The following EVA1C variants were observed in gnomAD, a reference collection of about 807,000 sequenced individuals.
EVA1C encodes eva-1 homolog C, also known as protein eva-1 homolog C.
In EVA1C, 25 loss-of-function variants were observed where a neutral mutation model predicts 45.4. The observed-to-expected ratio is 0.55, with a 90% CI of 0.40 to 0.77. EVA1C has a LOEUF of 0.77. Ranked by LOEUF, EVA1C falls within the 30% of genes least tolerant of loss-of-function variation. The pLI, the probability that EVA1C is intolerant of heterozygous loss-of-function variation, is 0.00. For missense variants in EVA1C, 479 were observed against 554.8 expected (o/e 0.86, Z 1.37); for synonymous variants, 190 against 221.2 (o/e 0.86, Z 1.25).
intron 1 of EVA1C, among the ~76,000 whole-genome samples, 182 bp downstream of exon 1, chr21:32,413,195 G>A (rs2033899430): frequency 6.6e-6 from 1 of 152,252 alleles, no homozygotes; most frequent in African/African-American, 2.4e-5. Flanking sequence ...TGGCGACGGG[G>A]GACTGCCACT....
Position 32,503,961 on chromosome 21 carries a change from A to C in EVA1C, c.895A>C (p.Arg299=). ...NFDPSGSKVL[R]KDGILVSNSL... ...CGACCCAAGCGGATCGAAGGTTCTG[A>C]GGAAAGATGGAATTCTTGTTAGCAA... The change falls in exon 7 of 8, where the codon AGG becomes CGG. Residue 299 remains arginine (R), a synonymous_variant. Transcript: ENST00000300255. 1.9e-6 allele frequency: 3 copies of C among 1,611,750 alleles called. No individual in the cohort carries two copies. The highest frequency in any genetic ancestry group is 2.5e-6 in the Non-Finnish European group (3 of 1,179,746).
chr21:32,462,241 AC>A (rs1246731131), intron 3 of EVA1C, among the ~76,000 whole-genome samples: 1,541 of 149,044 alleles, frequency 0.01, 29 homozygotes, highest in African/African-American at 0.033. Flanking sequence ...AAAAAAAAAA[AC>A]AATTAGCAGG....
intron 2 of EVA1C, among the ~76,000 whole-genome samples, chr21:32,455,014 C>G (rs1030757582): frequency 7.9e-5 from 12 of 152,320 alleles, no homozygotes; most frequent in African/African-American, 2.9e-4. Context: ...TCCCTGTGTG[C>G]TCCACTGTCT....
intron 3 of EVA1C, among the ~76,000 whole-genome samples, chr21:32,464,362 A>G (rs1203720282): frequency 1.3e-5 from 2 of 152,110 alleles, no homozygotes; most frequent in Admixed American, 1.3e-4. Flanking sequence ...ATTCATCTTG[A>G]ATGTTCCCGT....
intron 1 of EVA1C, among the ~76,000 whole-genome samples, chr21:32,439,694 A>C (rs1355239930): frequency 6.6e-6 from 1 of 152,014 alleles, no homozygotes; most frequent in Non-Finnish European, 1.5e-5. Context: ...CAAGTTTTAG[A>C]AACTTCCAGG....
At chr21:32,454,438 T>C (rs1196249620) in intron 2 of EVA1C, among the ~76,000 whole-genome samples, 3 of 152,152 alleles carry the variant, frequency 2.0e-5, no homozygotes, top group Non-Finnish European at 4.4e-5. Context: ...GTGGTTGGCA[T>C]ATTTAGGGAA....
rs1331753200 is a variant in EVA1C at position 32,440,181 on chromosome 21, C to A, written c.161-13131C>A. 3.9e-5 allele frequency among the ~76,000 whole-genome samples: 6 copies of A among 152,210 alleles called. No homozygotes were observed. The East Asian group carries it at 1.2e-3, about 29-fold the overall frequency. On this transcript the variant is annotated intron_variant, in intron 1 of 7. Coordinates refer to ENST00000300255, the MANE Select transcript of EVA1C (RefSeq NM_058187.5). ...AACCACTAATCTGGCCAATTCCAAG[C>A]AGAAAAGATCAAGTATAGATTTCAT...
At chr21:32,466,404 G>A (rs1361671650) in intron 3 of EVA1C, among the ~76,000 whole-genome samples, 1 of 145,036 alleles carries the variant, frequency 6.9e-6, no homozygotes, top group Non-Finnish European at 1.5e-5. Context: ...GGGCGACAGA[G>A]CGAGATTCCG....
In EVA1C at chr21:32,490,234, C is replaced by T. The variant is rs1419178359; in HGVS notation, c.635-4793C>T. On this transcript the variant is annotated intron_variant, in intron 4 of 7. Coordinates refer to ENST00000300255, the MANE Select transcript of EVA1C (RefSeq NM_058187.5). ...AAACCCATAAAACAACTCCCCATTG[C>T]TCCCTCCCTTAGCTCCTGGCACCCA... 3.3e-5 allele frequency among the ~76,000 whole-genome samples: 5 copies of T among 152,278 alleles called. No homozygotes were observed. In the South Asian group the frequency reaches 1.0e-3, roughly 32 times the overall value.
At chr21:32,481,806 C>G (rs553824552) in intron 4 of EVA1C, among the ~76,000 whole-genome samples, 1 of 152,194 alleles carries the variant, frequency 6.6e-6, no homozygotes, top group East Asian at 1.9e-4. Flanking sequence ...TTTCAACCAG[C>G]CAAAAATACC....
chr21:32,482,796 G>A (rs2036832792), intron 4 of EVA1C, among the ~76,000 whole-genome samples: 1 of 151,774 alleles, frequency 6.6e-6, no homozygotes, highest in Non-Finnish European at 1.5e-5. Flanking sequence ...CTTGTGTTCT[G>A]GAACCACTGT....
rs112060186 is a variant in EVA1C, at chr21:32,484,944, A to ATT, written c.635-10073_635-10072dup. 5.4e-4 allele frequency among the ~76,000 whole-genome samples: 79 copies of ATT among 147,124 alleles called. 1 individual carries two copies. Among genetic ancestry groups the ATT allele is most frequent in the Middle Eastern group, 3.5e-3 (1 of 284 alleles). On this transcript the variant is annotated intron_variant, in intron 4 of 7. Transcript: ENST00000300255. ...ACCACAGAAACTTCCTTGTTTGCCG[A>ATT]TTTTTTTTTTTACTGCACAAGCATT...
At chr21:32,429,678 A>G (rs2034624437) in intron 1 of EVA1C, among the ~76,000 whole-genome samples, 2 of 152,218 alleles carry the variant, frequency 1.3e-5, no homozygotes, top group South Asian at 4.1e-4. Flanking sequence ...TAATAAAATT[A>G]TCAGGGAAAT....
intron 1 of EVA1C, among the ~76,000 whole-genome samples, chr21:32,422,941 C>T (rs1287176180): frequency 6.6e-6 from 1 of 151,672 alleles, no homozygotes; most frequent in Non-Finnish European, 1.5e-5. Context: ...CATGGTGGTG[C>T]ACATCTGTAA....
At chr21:32,506,193 C>G (rs1324598023) in intron 7 of EVA1C, among the ~76,000 whole-genome samples, 1 of 149,820 alleles carries the variant, frequency 6.7e-6, no homozygotes, top group African/African-American at 2.5e-5. Flanking sequence ...CTGCTAGTGG[C>G]TCAGCTCCAC....
chr21:32,450,107 G>C (rs1207523303), intron 1 of EVA1C, among the ~76,000 whole-genome samples: 1 of 152,210 alleles, frequency 6.6e-6, no homozygotes, highest in Non-Finnish European at 1.5e-5. Context: ...CTCAGAATAA[G>C]AATATGGTAA....
intron 4 of EVA1C, among the ~76,000 whole-genome samples, chr21:32,483,504 C>T (rs1601391167): frequency 6.6e-6 from 1 of 152,296 alleles, no homozygotes; most frequent in Middle Eastern, 3.4e-3. Context: ...GAGTACTCCA[C>T]TCCCAGGCAG....
At chr21:32,449,062 A>G (rs2035478777) in intron 1 of EVA1C, among the ~76,000 whole-genome samples, 1 of 152,136 alleles carries the variant, frequency 6.6e-6, no homozygotes, top group African/African-American at 2.4e-5. Context: ...AAGAGAAAAG[A>G]AAAGAAAGAA....
In EVA1C at chr21:32,450,441, T is replaced by A. The variant is rs184338731; in HGVS notation, c.161-2871T>A. Reference sequence around the variant, plus strand: ...AGATCTTTTGGATAAGCCATGAATATTAAACCAAAGGCAAACTCTGAAAAT... The same window carrying A: ...AGATCTTTTGGATAAGCCATGAATAATAAACCAAAGGCAAACTCTGAAAAT... On this transcript the variant is annotated intron_variant, in intron 1 of 7. Coordinates refer to ENST00000300255, the MANE Select transcript of EVA1C (RefSeq NM_058187.5). Among the ~76,000 whole-genome samples, 10 of 151,796 alleles carry A rather than the reference T, an allele frequency of 6.6e-5. No individual in the cohort carries two copies. The South Asian group carries it at 1.5e-3, about 22-fold the overall frequency.
Sources: gnomAD v4.1 joint callset for allele counts (sites outside exome capture counted in the v4.1 genomes callset) on GRCh38, gnomAD v4.1.1 for gene constraint, MANE v1.5 for transcripts, NCBI Gene and HGNC (gene_info 2026-07-23, HGNC 2026-07-21) for gene names.